The following ACYP2 variants were observed in gnomAD, a reference collection of about 807,000 sequenced individuals.
The protein encoded by ACYP2 is acylphosphatase-2.
Under a neutral mutation model 11.2 loss-of-function variants are expected in ACYP2, and 12 were observed. The observed-to-expected ratio is 1.08, with a 90% confidence interval of 0.69 to 1.74. ACYP2 has a LOEUF of 1.74. ACYP2 is among the 40% of genes most tolerant of loss of function. The pLI, the probability that ACYP2 is intolerant of heterozygous loss-of-function variation, is 0.00. For missense variants in ACYP2, 134 were observed against 101.9 expected (o/e 1.31, Z -1.35); for synonymous variants, 43 against 32.2 (o/e 1.33, Z -1.13).
chr2:54,229,379 T>G lies in ACYP2; in HGVS notation c.405-75309T>G, dbSNP rs72802647. On this transcript the variant is annotated intron_variant, in intron 6 of 6. Transcript: ENST00000607452. ...AAATGTAGTATGTTATGTAATATAC[T>G]GATTGCAGAGTTCACGAAGCCATTT... 8.0e-3 allele frequency among the ~76,000 whole-genome samples: 1,217 copies of G among 152,356 alleles called. 5 individuals are homozygous for G. The highest frequency in any genetic ancestry group is 0.037 in the Middle Eastern group (11 of 294).
chr2:54,113,229 A>C (rs1284710095), intron 4 of ACYP2, among the ~76,000 whole-genome samples: 2 of 149,718 alleles, frequency 1.3e-5, no homozygotes, highest in Non-Finnish European at 3.0e-5. Flanking sequence ...GCATGAGTTC[A>C]GTAGAGATGA....
chr2:54,072,932 A>C (rs1677143007), intron 4 of ACYP2, among the ~76,000 whole-genome samples: 1 of 152,162 alleles, frequency 6.6e-6, no homozygotes, highest in Non-Finnish European at 1.5e-5. Context: ...CAAGGTACTC[A>C]AACAATCTTG....
At chr2:54,082,199 C>T (rs1572710435) in intron 4 of ACYP2, among the ~76,000 whole-genome samples, 1 of 152,066 alleles carries the variant, frequency 6.6e-6, no homozygotes, top group Non-Finnish European at 1.5e-5. Context: ...TTTCATTATT[C>T]CTCATTTATG....
intron 6 of ACYP2, among the ~76,000 whole-genome samples, chr2:54,239,926 A>AATTTT (rs767878155): frequency 0.26 from 39,300 of 152,168 alleles, 5,280 homozygotes; most frequent in South Asian, 0.43. Context: ...TTCTTCTGAG[A>AATTTT]AGTACTTTAG....
rs145126615 is a variant in ACYP2 at position 54,291,048 on chromosome 2, C to T, written c.405-13640C>T. 4.9e-3 allele frequency among the ~76,000 whole-genome samples: 749 copies of T among 152,252 alleles called. 14 individuals are homozygous for T. The South Asian group carries it at 0.056, about 11-fold the overall frequency. On this transcript the variant is annotated intron_variant, in intron 6 of 6. Transcript: ENST00000607452. ...TGCTGTCTTAGATTCTTAACTTCCC[C>T]CTCACTCTAAAACCATGCAAATCTA...
intron 2 of ACYP2, among the ~76,000 whole-genome samples, chr2:54,001,915 C>T (rs1323765322): frequency 6.6e-6 from 1 of 152,126 alleles, no homozygotes; most frequent in Non-Finnish European, 1.5e-5. Context: ...CCCATATTTC[C>T]CCTGTCCCCA....
intron 2 of ACYP2, among the ~76,000 whole-genome samples, chr2:54,027,431 C>T (rs6729608): frequency 0.013 from 1,998 of 152,250 alleles, 46 homozygotes; most frequent in African/African-American, 0.044. Context: ...ACTGAACAAA[C>T]GAGCCTAATT....
intron 6 of ACYP2, among the ~76,000 whole-genome samples, chr2:54,163,514 G>C (rs1047075363): frequency 6.6e-6 from 1 of 152,170 alleles, no homozygotes; most frequent in Admixed American, 6.5e-5. Flanking sequence ...GAAGTTTGAA[G>C]AAGTTTTCAG....
intron 6 of ACYP2, among the ~76,000 whole-genome samples, chr2:54,165,529 TCTCTCTCACACACA>T (rs1386712324): frequency 1.3e-4 from 19 of 143,088 alleles, no homozygotes; most frequent in East Asian, 2.0e-4. Context: ...TCTCTCTCTC[TCTCTCTCACACACA>T]CACACACACA....
At chr2:54,095,108 C>T (rs1678451652) in intron 4 of ACYP2, among the ~76,000 whole-genome samples, 1 of 151,630 alleles carries the variant, frequency 6.6e-6, no homozygotes, top group South Asian at 2.1e-4. Flanking sequence ...ATGCTGCCTT[C>T]AAGCATCTGT....
At chr2:54,045,446 A>G (rs1289761700) in intron 2 of ACYP2, among the ~76,000 whole-genome samples, 3 of 152,178 alleles carry the variant, frequency 2.0e-5, no homozygotes, top group African/African-American at 7.2e-5. Flanking sequence ...TTTGTTTTTA[A>G]GAGAGGAGCA....
intron 2 of ACYP2, among the ~76,000 whole-genome samples, chr2:54,008,632 C>T (rs763904702): frequency 5.3e-5 from 8 of 152,136 alleles, no homozygotes; most frequent in Non-Finnish European, 8.8e-5. Context: ...GTAGCTGGGA[C>T]TATAGGGCAC....
intron 4 of ACYP2, among the ~76,000 whole-genome samples, chr2:54,104,653 T>C (rs1049692422): frequency 1.6e-4 from 25 of 152,216 alleles, no homozygotes; most frequent in African/African-American, 6.0e-4. Flanking sequence ...AAAATCACTT[T>C]GACAATGAGA....
chr2:54,071,616 C>G (rs746647116), intron 4 of ACYP2, among the ~76,000 whole-genome samples: 2 of 152,026 alleles, frequency 1.3e-5, no homozygotes, highest in Non-Finnish European at 2.9e-5. Flanking sequence ...CAGGTGTGCA[C>G]CACCACACCC....
intron 2 of ACYP2, among the ~76,000 whole-genome samples, chr2:54,037,714 A>G (rs1003791864): frequency 1.3e-5 from 2 of 152,200 alleles, no homozygotes; most frequent in Admixed American, 1.3e-4. Context: ...GGCCTAAAAC[A>G]TGCTTTTAAT....
intron 6 of ACYP2, chr2:54,255,328 C>T: frequency 6.2e-7 from 1 of 1,614,186 alleles, no homozygotes; most frequent in Non-Finnish European, 8.5e-7. Context: ...GGTTAAGTAG[C>T]TTAACATCTC....
At chr2:54,096,068 C>T (rs1678547794) in intron 4 of ACYP2, among the ~76,000 whole-genome samples, 2 of 135,144 alleles carry the variant, frequency 1.5e-5, no homozygotes, top group Admixed American at 7.2e-5. Context: ...CCCCACCTCC[C>T]TCCCGGACGG....
intron 6 of ACYP2, among the ~76,000 whole-genome samples, chr2:54,192,363 C>G (rs894581232): frequency 6.6e-6 from 1 of 152,048 alleles, no homozygotes; most frequent in African/African-American, 2.4e-5. Flanking sequence ...TAAAATGTCC[C>G]TATTACACAG....
intron 4 of ACYP2, among the ~76,000 whole-genome samples, chr2:54,096,278 G>A: frequency 7.0e-6 from 1 of 143,752 alleles, no homozygotes. Flanking sequence ...GACGATGGGT[G>A]GCCGGGCAGA....
Sources: gnomAD v4.1 joint callset for allele counts (sites outside exome capture counted in the v4.1 genomes callset) on GRCh38, gnomAD v4.1.1 for gene constraint, MANE v1.5 for transcripts, NCBI Gene and HGNC (gene_info 2026-07-23, HGNC 2026-07-21) for gene names.